The following ANKRD11 variants were observed in gnomAD, a reference collection of about 807,000 sequenced individuals.
ANKRD11 encodes ankyrin repeat domain 11, also known as ankyrin repeat domain-containing protein 11.
A neutral mutation model predicts 195.7 loss-of-function variants in ANKRD11; 17 were observed. The observed-to-expected ratio is 0.09, with a 90% CI of 0.06 to 0.13. The LOEUF (loss-of-function observed/expected upper bound fraction) is 0.13. Ranked by LOEUF, ANKRD11 falls within the 10% of genes least tolerant of loss-of-function variation. ANKRD11 has a pLI of 1.00. For missense variants in ANKRD11, 3,735 were observed against 3,566.1 expected (o/e 1.05, Z -1.21); for synonymous variants, 1,953 against 1,528.1 (o/e 1.28, Z -6.49).
chr16:89,488,817 A>G (rs2057706795), intron 1 of ANKRD11, among the ~76,000 whole-genome samples: 2 of 152,336 alleles, frequency 1.3e-5, no homozygotes, highest in South Asian at 2.1e-4. Context: ...ATGACTGCAT[A>G]AAACTCTCTC....
At chr16:89,403,596 T>TTAAG (rs1221231151) in intron 2 of ANKRD11, 1 of 151,946 alleles carries the variant, frequency 6.6e-6, no homozygotes, top group African/African-American at 2.4e-5. Context: ...CAGAGACCAC[T>TTAAG]TACATAAAAG....
At chr16:89,415,564 A>G (rs186874385) in intron 2 of ANKRD11, among the ~76,000 whole-genome samples, 1 of 151,766 alleles carries the variant, frequency 6.6e-6, no homozygotes, top group Admixed American at 6.6e-5. Context: ...GCGCCCGGCA[A>G]GCTATTCTTT....
intron 1 of ANKRD11, among the ~76,000 whole-genome samples, chr16:89,463,486 A>G (rs984401960): frequency 5.3e-5 from 8 of 152,146 alleles, no homozygotes; most frequent in Non-Finnish European, 1.2e-4. Context: ...ACTCGTTAAG[A>G]GTCATCACCA....
intron 1 of ANKRD11, among the ~76,000 whole-genome samples, chr16:89,479,798 C>T (rs2057382254): frequency 6.6e-6 from 1 of 151,678 alleles, no homozygotes; most frequent in Non-Finnish European, 1.5e-5. Flanking sequence ...AAAAAATTAG[C>T]CGGGGGTGGT....
At chr16:89,314,359 C>G (rs1365955450) in intron 3 of ANKRD11, among the ~76,000 whole-genome samples, 1 of 152,248 alleles carries the variant, frequency 6.6e-6, no homozygotes, top group Non-Finnish European at 1.5e-5. Flanking sequence ...ACATCCCTCA[C>G]AGCACACGTG....
At chr16:89,445,013 C>A (rs115905540) in intron 1 of ANKRD11, among the ~76,000 whole-genome samples, 1 of 152,110 alleles carries the variant, frequency 6.6e-6, no homozygotes, top group African/African-American at 2.4e-5. Flanking sequence ...CACACAGACC[C>A]GTTCAGCACC....
chr16:89,322,771 G>A (rs1244614567), intron 2 of ANKRD11, among the ~76,000 whole-genome samples: 2 of 152,114 alleles, frequency 1.3e-5, no homozygotes, highest in African/African-American at 2.4e-5. Context: ...GCACAGCCCC[G>A]CATGGTGATG....
chr16:89,365,405 C>G (rs2039902161), intron 2 of ANKRD11, among the ~76,000 whole-genome samples: 2 of 152,218 alleles, frequency 1.3e-5, no homozygotes, highest in African/African-American at 4.8e-5. Flanking sequence ...CTTGGCCACA[C>G]AAGAGTGAGA....
intron 1 of ANKRD11, among the ~76,000 whole-genome samples, chr16:89,451,623 G>T (rs2044078927): frequency 6.6e-6 from 1 of 151,878 alleles, no homozygotes; most frequent in South Asian, 2.1e-4. Context: ...CGCAGTGTTG[G>T]CCAGGCTGGT....
chr16:89,452,551 T>G (rs1048268077), intron 1 of ANKRD11, among the ~76,000 whole-genome samples: 1 of 151,618 alleles, frequency 6.6e-6, no homozygotes, highest in African/African-American at 2.4e-5. Flanking sequence ...CTGAGGCGGG[T>G]GGATCACCTG....
Position 89,284,917 on chromosome 16 carries a change from T to A in ANKRD11, c.1625A>T (p.His542Leu). ...QKQNPSHTDQHTKHWRTDNWK... is the reference protein window; with the variant it reads ...QKQNPSHTDQLTKHWRTDNWK... ...ATTGTCTGTCCGCCAGTGCTTGGTGTGCTGGTCTGTGTGGCTGGGGTTCTG... is the reference window on the plus strand; with the variant it reads ...ATTGTCTGTCCGCCAGTGCTTGGTGAGCTGGTCTGTGTGGCTGGGGTTCTG... The change falls in exon 9 of 13, where the codon CAC becomes CTC. Residue 542 changes from histidine to leucine, a missense_variant. Physicochemically the swap from His to Leu is moderately conservative, Grantham distance 99. Transcript: ENST00000301030. The A allele has an allele frequency of 6.2e-7, 1 of 1,614,134 alleles. No individual in the cohort carries two copies. Among genetic ancestry groups the A allele is most frequent in the Non-Finnish European group, 8.5e-7 (1 of 1,180,018 alleles).
chr16:89,411,422 C>T (rs2042107391), intron 2 of ANKRD11, among the ~76,000 whole-genome samples: 1 of 152,156 alleles, frequency 6.6e-6, no homozygotes, highest in African/African-American at 2.4e-5. Flanking sequence ...ACATTTCTTC[C>T]TTTTTTCTTT....
At chr16:89,274,216 G>A (rs943503157) in intron 11 of ANKRD11, among the ~76,000 whole-genome samples, 2 of 152,212 alleles carry the variant, frequency 1.3e-5, no homozygotes, top group Admixed American at 6.5e-5. Context: ...CCAGTGGACA[G>A]AGCAGGTCAA....
chr16:89,393,627 C>A (rs909206631), intron 2 of ANKRD11, among the ~76,000 whole-genome samples: 1 of 151,908 alleles, frequency 6.6e-6, no homozygotes, highest in African/African-American at 2.4e-5. Flanking sequence ...CAGGAGGAAG[C>A]CACTGCGCCC....
intron 1 of ANKRD11, among the ~76,000 whole-genome samples, chr16:89,481,616 C>A (rs376570851): frequency 4.6e-4 from 70 of 152,284 alleles, no homozygotes; most frequent in African/African-American, 1.6e-3. Flanking sequence ...TCTAGGCATC[C>A]ACCGCCTGCA....
At chr16:89,382,370 G>C (rs956991164) in intron 2 of ANKRD11, among the ~76,000 whole-genome samples, 1 of 152,010 alleles carries the variant, frequency 6.6e-6, no homozygotes, top group African/African-American at 2.4e-5. Context: ...CTGTCACCCA[G>C]GCTGGAGGGC....
chr16:89,374,509 G>C (rs1170869433), intron 2 of ANKRD11, among the ~76,000 whole-genome samples: 2 of 152,202 alleles, frequency 1.3e-5, no homozygotes, highest in Non-Finnish European at 2.9e-5. Context: ...CCTGCTCTGT[G>C]AGAGAATTCA....
At chr16:89,485,239 T>C (rs1444274920) in intron 1 of ANKRD11, among the ~76,000 whole-genome samples, 11 of 151,882 alleles carry the variant, frequency 7.2e-5, no homozygotes, top group Non-Finnish European at 1.6e-4. Flanking sequence ...ATCCCAGCAC[T>C]TTGGGAGGCC....
intron 2 of ANKRD11, among the ~76,000 whole-genome samples, chr16:89,375,864 C>T (rs1455798661): frequency 3.3e-5 from 5 of 151,628 alleles, no homozygotes; most frequent in African/African-American, 1.2e-4. Context: ...CACAGACCCA[C>T]ACAAAGTGCC....
Sources: allele counts gnomAD v4.1 joint callset (sites outside exome capture counted in the v4.1 genomes callset), GRCh38; gene constraint gnomAD v4.1.1; transcripts MANE v1.5; gene names NCBI Gene and HGNC (gene_info 2026-07-23, HGNC 2026-07-21).